Variants in CENPE observed in about 807,000 individuals in gnomAD.
CENPE encodes the protein centromere-associated protein E.
A neutral mutation model predicts 336.1 loss-of-function variants in CENPE; 145 were observed. The ratio of observed to expected loss-of-function variants is 0.43; its 90% CI spans 0.38 to 0.50. CENPE has a LOEUF of 0.50. CENPE is among the 20% of genes least tolerant of loss of function. CENPE has a pLI of 0.00. For synonymous variants in CENPE, 1,013 were observed against 984.8 expected (o/e 1.03, Z -0.54); for missense variants, 2,719 against 3,023.3 (o/e 0.90, Z 2.36).
chr4:103,163,128 G>T lies in CENPE; in HGVS notation c.1842+9C>A. 6.2e-7 allele frequency: 1 copy of T among 1,600,810 alleles called. No individual in the cohort carries two copies. Among genetic ancestry groups the T allele is most frequent in the South Asian group, 1.1e-5 (1 of 89,410 alleles). ...TGTGATTACACAACAAAATACGCCTGATTTTTACCAATGAGTATGACAAGT... is the reference window on the plus strand; with the variant it reads ...TGTGATTACACAACAAAATACGCCTTATTTTTACCAATGAGTATGACAAGT... On this transcript the variant is annotated intron_variant, in intron 18 of 48. Coordinates refer to ENST00000265148, the MANE Select transcript of CENPE (RefSeq NM_001813.3).
chr4:103,194,543 T>C, intron 6 of CENPE, 60 bp downstream of exon 6: 1 of 1,485,626 alleles, frequency 6.7e-7, no homozygotes, highest in South Asian at 1.2e-5. Context: ...GGTCCAAACG[T>C]GCTTGATTGA....
chr4:103,163,351 T>C (rs1754620635), intron 17 of CENPE, 95 bp from the exon 18 acceptor site: 11 of 1,305,746 alleles, frequency 8.4e-6, no homozygotes, highest in Non-Finnish European at 1.1e-5. Context: ...AAATTCATAG[T>C]AAAATTCAAA....
intron 13 of CENPE, 117 bp from the exon 14 acceptor site, chr4:103,177,163 A>G (rs888117210): frequency 9.7e-5 from 81 of 834,998 alleles, no homozygotes; most frequent in Non-Finnish European, 1.3e-4. Flanking sequence ...TATTAAGCCT[A>G]GTTTAAAATT....
At position 103,178,772 on chromosome 4, in the gene CENPE, T is replaced by TACAG. The variant is rs1261005367; in HGVS notation, c.1242+1538_1242+1539insCTGT. On this transcript the variant is annotated intron_variant, in intron 13 of 48. Transcript: ENST00000265148. ...AGCTACCATATTCACTAGGTTTTATTCTTAACTGTACAGCTAAACCTGGGC... is the reference window on the plus strand; with the variant it reads ...AGCTACCATATTCACTAGGTTTTATTACAGCTTAACTGTACAGCTAAACCTGGGC... Among the ~76,000 whole-genome samples, 226 of 152,324 alleles carry TACAG rather than the reference T, an allele frequency of 1.5e-3. 1 individual carries two copies. The highest frequency in any genetic ancestry group is 4.8e-3 in the African/African-American group (201 of 41,570).
intron 42 of CENPE, among the ~76,000 whole-genome samples, chr4:103,130,178 T>TAAAG (rs1043549438): frequency 6.6e-6 from 1 of 151,886 alleles, no homozygotes; most frequent in African/African-American, 2.4e-5. Flanking sequence ...ATAAGACAAG[T>TAAAG]AAAGAAAATA....
chr4:103,181,137 A>C (rs1756293204), intron 12 of CENPE, among the ~76,000 whole-genome samples, 200 bp downstream of exon 12: 1 of 152,296 alleles, frequency 6.6e-6, no homozygotes, highest in Middle Eastern at 3.4e-3. Flanking sequence ...AATCTAAAAT[A>C]ATTTCAAGAA....
At chr4:103,137,419 C>T (rs1752163536) in intron 39 of CENPE, among the ~76,000 whole-genome samples, 1 of 152,100 alleles carries the variant, frequency 6.6e-6, no homozygotes, top group African/African-American at 2.4e-5. Context: ...GTTCAGGCTG[C>T]TAAACAATAA....
chr4:103,111,103 T>C (rs1176025658), intron 46 of CENPE, 92 bp from the exon 47 acceptor site: 2 of 946,682 alleles, frequency 2.1e-6, no homozygotes, highest in East Asian at 2.6e-5. Flanking sequence ...TAAGCCATTA[T>C]AGAGACCCAA....
At chr4:103,113,472 AACTTATATATT>A (rs1304768036) in intron 46 of CENPE, among the ~76,000 whole-genome samples, 6 of 141,336 alleles carry the variant, frequency 4.2e-5, no homozygotes, top group African/African-American at 1.3e-4. Context: ...TATAATATAT[AACTTATATATT>A]ACTTATATAT....
In CENPE at chr4:103,163,263, G is replaced by C. The variant is rs1441360247; in HGVS notation, c.1723-7C>G. ...CTTTTGAACTGAGTTCATTCTAAAA[G>C]AATCAAAGGAGAGAGTAACAATTTA... is the stretch of plus-strand genomic sequence containing the variant. On this transcript the variant is annotated splice_polypyrimidine_tract_variant and splice_region_variant and intron_variant, in intron 17 of 48. Coordinates refer to ENST00000265148, the MANE Select transcript of CENPE (RefSeq NM_001813.3). 1.9e-6 allele frequency: 3 copies of C among 1,600,762 alleles called. No homozygotes were observed. The African/African-American group carries it at 4.0e-5, about 22-fold the overall frequency.
chr4:103,152,955 T>C, intron 25 of CENPE, 92 bp downstream of exon 25: 1 of 900,748 alleles, frequency 1.1e-6, no homozygotes, highest in Non-Finnish European at 1.7e-6. Context: ...GATACATTTA[T>C]TGTATATAAA....
Position 103,182,865 on chromosome 4 carries a change from T to C in CENPE, c.860A>G (p.Lys287Arg). 1 of 1,612,824 alleles carries C rather than the reference T, an allele frequency of 6.2e-7. No individual in the cohort carries two copies. The highest frequency in any genetic ancestry group is 8.5e-7 in the Non-Finnish European group (1 of 1,179,258). The change falls in exon 11 of 49, where the codon AAG becomes AGG. Residue 287 changes from lysine to arginine, a missense_variant. Transcript: ENST00000265148. ...VGGFINYRDS[K>R]LTRILQNSLG... Reference sequence around the variant, plus strand: ...GGAATTCTGGAGAATTCGTGTTAACTTGCTATCTCGATAATTTATGAAACC... The same window carrying C: ...GGAATTCTGGAGAATTCGTGTTAACCTGCTATCTCGATAATTTATGAAACC...
In CENPE at chr4:103,139,848, C is replaced by A; in HGVS notation, c.6145G>T (p.Glu2049Ter). Reference protein sequence around the residue: ...KERDELRRIKESLKMERDQFI... With the variant: ...KERDELRRIK ...TGGTCCCTTTCCATTTTGAGAGATT[C>A]TTTTATCCTCCTTAGCTCATCTCTT... The change falls in exon 38 of 49, where the codon GAA becomes TAA. Residue 2049 changes from glutamate (E) to a stop codon, truncating the protein, a stop_gained. Transcript: ENST00000265148. LOFTEE classifies it high-confidence loss of function. The A allele has an allele frequency of 1.1e-5, 18 of 1,612,868 alleles. No individual in the cohort carries two copies. Among genetic ancestry groups the A allele is most frequent in the Non-Finnish European group, 1.5e-5 (18 of 1,179,462 alleles).
At position 103,133,673 on chromosome 4, in the gene CENPE, ATCCATT is replaced by A. The variant is rs1299496918; in HGVS notation, c.6720+16_6720+21del. The A allele has an allele frequency of 1.2e-5, 18 of 1,477,276 alleles. No homozygotes were observed. The highest frequency in any genetic ancestry group is 1.6e-5 in the Non-Finnish European group (17 of 1,069,114). The allele number at this position is 1,477,276 out of a possible 1,614,324, so 91.5% of individuals were successfully genotyped here. On this transcript the variant is annotated intron_variant, in intron 41 of 48. Transcript: ENST00000265148. ...ATAAAAAGGCTTAAAATCTAACTAA[ATCCATT>A]TAAAATAAATTATACCTCAATATGT...
chr4:103,144,227 C>T (rs554930511), intron 33 of CENPE, 104 bp downstream of exon 33: 165 of 978,532 alleles, frequency 1.7e-4, no homozygotes, highest in African/African-American at 3.3e-4. Flanking sequence ...CGAGCCACCG[C>T]GCCCGGCCTG....
chr4:103,117,761 G>A (rs745657715), intron 44 of CENPE, among the ~76,000 whole-genome samples: 10 of 151,528 alleles, frequency 6.6e-5, no homozygotes, highest in Non-Finnish European at 1.3e-4. Flanking sequence ...CTGAGTAGCT[G>A]GGATTACAGG....
intron 28 of CENPE, 35 bp from the exon 29 acceptor site, chr4:103,147,681 A>G (rs1315547339): frequency 2.6e-6 from 4 of 1,561,452 alleles, no homozygotes; most frequent in Non-Finnish European, 2.6e-6. Context: ...GGTTACTATC[A>G]GGAGATTATG....
intron 12 of CENPE, among the ~76,000 whole-genome samples, chr4:103,180,826 T>C (rs952341626): frequency 6.6e-6 from 1 of 152,164 alleles, no homozygotes; most frequent in African/African-American, 2.4e-5. Flanking sequence ...CTCATAAGAT[T>C]ACCATTTGAT....
Position 103,136,257 on chromosome 4 carries a change from T to C in CENPE, c.6406A>G (p.Met2136Val), listed in dbSNP as rs748913591. The C allele has an allele frequency of 2.5e-6, 4 of 1,613,532 alleles. No homozygotes were observed. Among genetic ancestry groups the C allele is most frequent in the African/African-American group, 1.3e-5 (1 of 75,024 alleles). ...AGTGAGAGGTTTGCTTTAACTCTCA[T>C]TGAAAGCTCTTTTTGGAATTCAATT... ...KEIEFQKELS[M>V]RVKANLSLPY... Residue 2136 changes from methionine to valine, a missense_variant, in exon 40 of 49, where the codon ATG (methionine) becomes GTG (valine). By Grantham distance (21) the Met-to-Val change is conservative. Transcript: ENST00000265148.
Sources: gnomAD v4.1 joint callset for allele counts (sites outside exome capture counted in the v4.1 genomes callset) on GRCh38, gnomAD v4.1.1 for gene constraint, MANE v1.5 for transcripts, NCBI Gene and HGNC (gene_info 2026-07-23, HGNC 2026-07-21) for gene names.